Variants in ZNF282 observed in about 807,000 individuals in gnomAD.
The protein encoded by ZNF282 is zinc finger protein 282.
ZNF282 carries 30 observed loss-of-function variants against 61.9 expected under a neutral mutation model. That is an observed-to-expected ratio of 0.48 (90% CI 0.36 to 0.66). The LOEUF (loss-of-function observed/expected upper bound fraction) is 0.66. Ranked by LOEUF, ZNF282 falls within the 30% of genes least tolerant of loss-of-function variation. ZNF282 has a pLI of 0.00. For synonymous variants in ZNF282, 396 were observed against 405.0 expected (o/e 0.98, Z 0.27); for missense variants, 788 against 941.4 (o/e 0.84, Z 2.13).
At chr7:149,205,574 G>A (rs1311759941) in intron 2 of ZNF282, among the ~76,000 whole-genome samples, 1 of 103,120 alleles carries the variant, frequency 9.7e-6, no homozygotes, top group East Asian at 1.4e-3. Flanking sequence ...TGGACAGTGA[G>A]TTGTCAGTCC....
rs775546716 is a variant in ZNF282, at chr7:149,213,753, G to A, written c.1119G>A (p.Gln373=). ...DILSWIKQEE[Q]PYPWGPRDSM... is the part of the protein sequence containing the mutation. ...TGTCATGGATCAAGCAGGAGGAGCA[G>A]CCATACCCATGGGGACCACGCGACT... Residue 373 remains glutamine, a synonymous_variant, in exon 7 of 8, where the codon CAG becomes CAA. Transcript: ENST00000610704. The A allele has an allele frequency of 1.3e-5, 21 of 1,613,966 alleles. No homozygotes were observed. The highest frequency in any genetic ancestry group is 1.8e-5 in the Non-Finnish European group (21 of 1,179,988).
rs369436970 is a variant in ZNF282, at chr7:149,224,301, G to T, written c.1670G>T (p.Cys557Phe). 2 of 1,613,114 alleles carry T rather than the reference G, an allele frequency of 1.2e-6. No homozygotes were observed. The highest frequency in any genetic ancestry group is 8.5e-7 in the Non-Finnish European group (1 of 1,179,900). The change falls in exon 8 of 8, where the codon TGC (cysteine) becomes TTC (phenylalanine). Residue 557 changes from cysteine (C) to phenylalanine (F), a missense_variant. Around this residue, in one of 3 missense-constraint regions of ZNF282, gnomAD observed 559 missense variants for 642.0 expected, o/e 0.87. Transcript: ENST00000610704. ...ECAECEKSFN[C>F]HSGLIRHQMT... ...GCTGAGTGCGAGAAGAGCTTCAACT[G>T]CCACTCGGGCCTCATCCGCCACCAG...
chr7:149,206,821 G>A lies in ZNF282; in HGVS notation c.711G>A (p.Leu237=). ...AGAACTACAAAACCCTCATGTCCCTGGGTAAGGACACCTTCTCTCCTCTTT... is the reference window on the plus strand; with the variant it reads ...AGAACTACAAAACCCTCATGTCCCTAGGTAAGGACACCTTCTCTCCTCTTT... ...VKENYKTLMS[L]DAEGSVPKPD... The change falls in exon 3 of 8, where the codon CTG becomes CTA. Residue 237 remains leucine, a splice_region_variant and synonymous_variant. Transcript: ENST00000610704. 2 of 1,614,048 alleles carry A rather than the reference G, an allele frequency of 1.2e-6. No individual in the cohort carries two copies. Among genetic ancestry groups the A allele is most frequent in the Non-Finnish European group, 1.7e-6 (2 of 1,180,016 alleles).
chr7:149,224,606 G>A lies in ZNF282; in HGVS notation c.1975G>A (p.Gly659Ser), dbSNP rs762511642. 22 of 1,552,008 alleles carry A rather than the reference G, an allele frequency of 1.4e-5. No individual in the cohort carries two copies. Among genetic ancestry groups the A allele is most frequent in the African/African-American group, 8.2e-5 (6 of 73,350 alleles). The change falls in exon 8 of 8, where the codon GGC becomes AGC. Residue 659 changes from glycine (G) to serine (S), a missense_variant. Coordinates refer to ENST00000610704, the MANE Select transcript of ZNF282 (RefSeq NM_003575.4). ...CGTGCACAGCGGCGGCCCGGGCCCC[G>A]GCGCCCCACGGCAGCTCCCGCCGCC... ...LRVHSGGPGP[G>S]APRQLPPPPE...
chr7:149,221,284 C>T (rs143131814), intron 7 of ZNF282, among the ~76,000 whole-genome samples: 1,616 of 152,306 alleles, frequency 0.011, 13 homozygotes, highest in Non-Finnish European at 0.014. Context: ...GCAAGCACAA[C>T]GGCGGAGCAA....
chr7:149,203,506 C>T (rs1264075924), intron 2 of ZNF282, among the ~76,000 whole-genome samples: 1 of 152,148 alleles, frequency 6.6e-6, no homozygotes, highest in African/African-American at 2.4e-5. Flanking sequence ...GCCACCACAC[C>T]CAGTTAAGTT....
intron 3 of ZNF282, 49 bp downstream of exon 3, chr7:149,206,871 G>A: frequency 1.2e-6 from 2 of 1,607,704 alleles, no homozygotes; most frequent in Non-Finnish European, 1.7e-6. Flanking sequence ...GCAGAGGGTT[G>A]TGAAATGCTT....
intron 2 of ZNF282, among the ~76,000 whole-genome samples, chr7:149,202,149 T>TC (rs1795921276): frequency 6.8e-6 from 1 of 146,662 alleles, no homozygotes; most frequent in Non-Finnish European, 1.5e-5. Flanking sequence ...AAGATATGCT[T>TC]CTTTTTTTTT....
chr7:149,210,758 T>C, intron 5 of ZNF282, 54 bp downstream of exon 5: 1 of 1,475,976 alleles, frequency 6.8e-7, no homozygotes, highest in South Asian at 1.4e-5. Context: ...GGGGAGAGGG[T>C]TAGCATGGTC....
chr7:149,203,077 T>C (rs142537804), intron 2 of ZNF282, among the ~76,000 whole-genome samples: 42 of 152,318 alleles, frequency 2.8e-4, no homozygotes, highest in African/African-American at 9.9e-4. Context: ...CAGCAAAACA[T>C]TTCCTGGCAC....
intron 2 of ZNF282, among the ~76,000 whole-genome samples, chr7:149,201,189 C>T (rs1331497780): frequency 6.6e-6 from 1 of 152,184 alleles, no homozygotes; most frequent in African/African-American, 2.4e-5. Flanking sequence ...TACTTGTCTC[C>T]TCTCTTTCTC....
chr7:149,223,213 A>G (rs1796285890), intron 7 of ZNF282, among the ~76,000 whole-genome samples: 1 of 151,178 alleles, frequency 6.6e-6, no homozygotes, highest in Non-Finnish European at 1.5e-5. Context: ...AACTAAGGTG[A>G]TCCGCCCACC....
chr7:149,202,979 A>G (rs1260491576), intron 2 of ZNF282, among the ~76,000 whole-genome samples: 1 of 152,084 alleles, frequency 6.6e-6, no homozygotes, highest in Non-Finnish European at 1.5e-5. Context: ...TGCTGAGGCA[A>G]CCACCCCAAT....
chr7:149,201,466 CA>C (rs1437871339), intron 2 of ZNF282, among the ~76,000 whole-genome samples: 3 of 152,126 alleles, frequency 2.0e-5, no homozygotes, highest in African/African-American at 7.2e-5. Flanking sequence ...TTAAACCTCC[CA>C]AATGGCTGGG....
At position 149,224,883 on chromosome 7, in the gene ZNF282, C is replaced by A. The variant is rs892982188; in HGVS notation, c.*236C>A. The A allele has an allele frequency of 3.1e-5, 22 of 707,260 alleles. No homozygotes were observed. The highest frequency in any genetic ancestry group is 4.8e-5 in the Non-Finnish European group (22 of 455,714). The allele number at this position is 707,260 out of a possible 1,614,324, so 43.8% of individuals were successfully genotyped here. A position where few individuals can be genotyped will look rare whatever the true frequency, so the allele number is the denominator to read the frequency against. ...GAAGAGCCAGGGGGACCGCGAGGAG[C>A]CGAGCGTCCTCGGGCACCGCCCTCA... is the stretch of plus-strand genomic sequence containing the variant. On this transcript the variant is annotated 3_prime_UTR_variant, in exon 8 of 8. Transcript: ENST00000610704.
chr7:149,199,222 G>A (rs776358132), intron 2 of ZNF282, among the ~76,000 whole-genome samples: 10 of 152,266 alleles, frequency 6.6e-5, no homozygotes, highest in South Asian at 6.2e-4. Flanking sequence ...TGCACACTCC[G>A]TATCTTACTC....
At chr7:149,202,453 A>G (rs775053895) in intron 2 of ZNF282, among the ~76,000 whole-genome samples, 5 of 151,964 alleles carry the variant, frequency 3.3e-5, no homozygotes, top group Middle Eastern at 3.2e-3. Flanking sequence ...CTGGGATTAC[A>G]GGCACACATC....
At chr7:149,200,061 C>T in intron 2 of ZNF282, among the ~76,000 whole-genome samples, 1 of 152,098 alleles carries the variant, frequency 6.6e-6, no homozygotes, top group South Asian at 2.1e-4. Flanking sequence ...TTTGAGATGT[C>T]TCTTAAGTCT....
At chr7:149,212,818 A>G (rs541809879) in intron 6 of ZNF282, among the ~76,000 whole-genome samples, 3 of 152,182 alleles carry the variant, frequency 2.0e-5, no homozygotes, top group African/African-American at 7.2e-5. Flanking sequence ...CTGGCCTCAA[A>G]TGATCTGCCC....
Sources: gnomAD v4.1 joint callset for allele counts (sites outside exome capture counted in the v4.1 genomes callset) on GRCh38, gnomAD v4.1.1 for gene constraint, gnomAD v4.1.1 regional missense constraint, MANE v1.5 for transcripts, NCBI Gene and HGNC (gene_info 2026-07-23, HGNC 2026-07-21) for gene names.